Variants in BABAM2 observed in about 807,000 individuals in gnomAD.
BABAM2 encodes BRISC and BRCA1 A complex member 2, also known as BRISC and BRCA1-A complex member 2.
Under a neutral mutation model 54.7 loss-of-function variants are expected in BABAM2, and 31 were observed. The observed-to-expected ratio is 0.57, with a 90% CI of 0.43 to 0.77. The LOEUF (loss-of-function observed/expected upper bound fraction) is 0.77, where lower values mean the gene tolerates loss of function less well. BABAM2 is among the 30% of genes least tolerant of loss of function. The pLI, the probability that BABAM2 is intolerant of heterozygous loss-of-function variation, is 0.00. For missense variants in BABAM2, 364 were observed against 455.8 expected (o/e 0.80, Z 1.83); for synonymous variants, 167 against 162.9 (o/e 1.03, Z -0.19).
chr2:27,900,815 G>A (rs1233447213), intron 2 of BABAM2, among the ~76,000 whole-genome samples: 2 of 152,018 alleles, frequency 1.3e-5, no homozygotes, highest in Non-Finnish European at 2.9e-5. Flanking sequence ...AGGCCGAGGC[G>A]GGCATATCAC....
intron 4 of BABAM2, among the ~76,000 whole-genome samples, chr2:28,022,332 G>T (rs562075078): frequency 1.3e-5 from 2 of 152,216 alleles, no homozygotes; most frequent in African/African-American, 4.8e-5. Flanking sequence ...ATTGGAGGAA[G>T]AGTAGGCAGA....
chr2:28,326,594 A>G (rs1304684184), intron 11 of BABAM2, among the ~76,000 whole-genome samples: 2 of 152,172 alleles, frequency 1.3e-5, no homozygotes, highest in Non-Finnish European at 2.9e-5. Flanking sequence ...GCAGGTTATG[A>G]TGGGCACGGC....
intron 10 of BABAM2, among the ~76,000 whole-genome samples, chr2:28,254,680 C>T (rs1683809514): frequency 1.3e-5 from 2 of 151,206 alleles, no homozygotes; most frequent in Admixed American, 6.6e-5. Context: ...GTTGTTTTAC[C>T]TATAAATACC....
intron 5 of BABAM2, among the ~76,000 whole-genome samples, chr2:28,036,138 G>A (rs1393247574): frequency 2.6e-5 from 4 of 152,134 alleles, no homozygotes; most frequent in Non-Finnish European, 5.9e-5. Context: ...TAGATGTAGG[G>A]TGCACTCCTT....
At chr2:28,111,303 G>A (rs1280042918) in intron 6 of BABAM2, among the ~76,000 whole-genome samples, 1 of 151,892 alleles carries the variant, frequency 6.6e-6, no homozygotes, top group East Asian at 1.9e-4. Flanking sequence ...ATCTTCTTTG[G>A]AGAAATGTCT....
intron 8 of BABAM2, among the ~76,000 whole-genome samples, chr2:28,237,673 G>A (rs561742716): frequency 5.9e-4 from 89 of 151,624 alleles, no homozygotes; most frequent in Admixed American, 5.2e-3. Context: ...GCATGCACAC[G>A]TGTGTGCATG....
chr2:28,065,604 G>C (rs896338853), intron 6 of BABAM2, among the ~76,000 whole-genome samples: 1 of 152,066 alleles, frequency 6.6e-6, no homozygotes, highest in Non-Finnish European at 1.5e-5. Context: ...GTAGTAATTC[G>C]CTAAGCTATA....
chr2:28,192,791 T>G (rs1025138324), intron 7 of BABAM2, among the ~76,000 whole-genome samples: 10 of 151,918 alleles, frequency 6.6e-5, no homozygotes, highest in Non-Finnish European at 2.9e-5. Flanking sequence ...CAAAGTGCTG[T>G]GATTACAGGT....
chr2:28,112,087 T>TTC lies in BABAM2; in HGVS notation c.571-17182_571-17181dup, dbSNP rs1356838206. 6.0e-4 allele frequency among the ~76,000 whole-genome samples: 3 copies of TTC among 5,018 alleles called. No homozygotes were observed. In the South Asian group the frequency reaches 0.016, roughly 27 times the overall value. The allele number at this position is 5,018 out of a possible 152,430, so 3.3% of individuals were successfully genotyped here. A position where few individuals can be genotyped will look rare whatever the true frequency, so the allele number is the denominator to read the frequency against. ...TTTTTCTTGAGATACCCATTACTCTTTCTTTCTTTCTTTCTTTCTTTCTTT... is the reference window on the plus strand; with the variant it reads ...TTTTTCTTGAGATACCCATTACTCTTTCTCTTTCTTTCTTTCTTTCTTTCTTT... On this transcript the variant is annotated intron_variant, in intron 6 of 11. Transcript: ENST00000379624.
At chr2:27,924,769 C>A (rs1386708383) in intron 2 of BABAM2, among the ~76,000 whole-genome samples, 1 of 152,098 alleles carries the variant, frequency 6.6e-6, no homozygotes, top group African/African-American at 2.4e-5. Flanking sequence ...AGAACATGAC[C>A]AAACCAATTT....
intron 5 of BABAM2, among the ~76,000 whole-genome samples, chr2:28,040,045 A>T (rs1445321339): frequency 1.3e-5 from 2 of 152,174 alleles, no homozygotes; most frequent in East Asian, 3.8e-4. Context: ...CTGTGAAAGC[A>T]ATCTTTGACA....
chr2:28,184,597 C>A (rs555401996), intron 7 of BABAM2, among the ~76,000 whole-genome samples: 1 of 151,146 alleles, frequency 6.6e-6, no homozygotes, highest in Non-Finnish European at 1.5e-5. Context: ...TTTGTCCTTG[C>A]GATAGTTTGC....
chr2:28,169,578 AC>A (rs1674089686), intron 7 of BABAM2, among the ~76,000 whole-genome samples: 1 of 152,098 alleles, frequency 6.6e-6, no homozygotes, highest in South Asian at 2.1e-4. Flanking sequence ...GGAGTTCGAG[AC>A]CAGCCTGGGC....
chr2:28,026,821 T>TA (rs1491317120), intron 5 of BABAM2, among the ~76,000 whole-genome samples: 2 of 85,896 alleles, frequency 2.3e-5, no homozygotes, highest in African/African-American at 1.1e-4. Context: ...TAAATATATA[T>TA]TTATATATAT....
At chr2:27,931,433 C>G (rs1039363245) in intron 3 of BABAM2, among the ~76,000 whole-genome samples, 2 of 152,022 alleles carry the variant, frequency 1.3e-5, no homozygotes, top group Non-Finnish European at 2.9e-5. Context: ...ATACTTTTGC[C>G]TCCGTTTCTT....
upstream of BABAM2, chr2:27,890,569 G>C (rs1191459461): frequency 1.9e-6 from 1 of 519,070 alleles, no homozygotes; most frequent in African/African-American, 2.0e-5. The surrounding 1 kb of genome is among the most constrained non-coding windows in gnomAD (Gnocchi z 4.8). Flanking sequence ...TCCTGATATG[G>C]CGAGACTCCG....
chr2:28,112,094 T>TTTCTTTCTTTCC (rs1558346412), intron 6 of BABAM2, among the ~76,000 whole-genome samples: 5 of 7,120 alleles, frequency 7.0e-4, no homozygotes, highest in African/African-American at 2.9e-3. Context: ...TCTTTCTTTC[T>TTTCTTTCTTTCC]TTCTTTCTTT....
intron 7 of BABAM2, among the ~76,000 whole-genome samples, chr2:28,193,346 A>C (rs895499318): frequency 2.0e-5 from 3 of 152,136 alleles, no homozygotes; most frequent in Non-Finnish European, 4.4e-5. Flanking sequence ...GGATTTATGC[A>C]CCGTGCTAAG....
intron 10 of BABAM2, among the ~76,000 whole-genome samples, chr2:28,249,837 C>T (rs1214848490): frequency 3.3e-5 from 5 of 152,028 alleles, no homozygotes; most frequent in Non-Finnish European, 7.4e-5. Flanking sequence ...TTTGCTGTTT[C>T]CCAGGCTGGT....
Sources: gnomAD v4.1 joint callset for allele counts (sites outside exome capture counted in the v4.1 genomes callset) on GRCh38, gnomAD v4.1.1 for gene constraint, Gnocchi (gnomAD v3.1) non-coding constraint, MANE v1.5 for transcripts, NCBI Gene and HGNC (gene_info 2026-07-23, HGNC 2026-07-21) for gene names.